Variants in CSMD2 observed in about 807,000 individuals in gnomAD.
CSMD2 encodes CUB and Sushi multiple domains 2, also known as CUB and sushi domain-containing protein 2.
In CSMD2, 130 loss-of-function variants were observed where a neutral mutation model predicts 398.5. That is an observed-to-expected ratio of 0.33 (90% confidence interval 0.28 to 0.38). The LOEUF (loss-of-function observed/expected upper bound fraction) is 0.38. CSMD2 is among the 10% of genes least tolerant of loss of function. The pLI, the probability that CSMD2 is intolerant of heterozygous loss-of-function variation, is 1.00. For synonymous variants in CSMD2, 1,828 were observed against 1,908.5 expected, an observed-to-expected ratio of 0.96 and a Z score of 1.10; for missense variants, 3,829 against 4,764.9, an observed-to-expected ratio of 0.80 and a Z score of 5.78.
At chr1:33,607,484 C>A (rs1332248075) in intron 41 of CSMD2, among the ~76,000 whole-genome samples, 2 of 152,144 alleles carry the variant, frequency 1.3e-5, no homozygotes, top group Non-Finnish European at 2.9e-5. Context: ...TCAGAGCTTG[C>A]TTACGAGGTG....
intron 3 of CSMD2, among the ~76,000 whole-genome samples, chr1:34,013,349 C>T (rs1472233166): frequency 8.5e-5 from 13 of 152,198 alleles, no homozygotes; most frequent in Non-Finnish European, 7.3e-5. Flanking sequence ...CACGACCTGC[C>T]TCTCTCCCTC....
chr1:33,661,836 C>T (rs1644145145), intron 26 of CSMD2, among the ~76,000 whole-genome samples: 3 of 152,104 alleles, frequency 2.0e-5, no homozygotes, highest in South Asian at 2.1e-4. Flanking sequence ...CCCCAACCAC[C>T]CTTAGCTGAT....
chr1:33,565,334 G>A (rs1658957394), intron 53 of CSMD2, among the ~76,000 whole-genome samples: 2 of 152,108 alleles, frequency 1.3e-5, no homozygotes. Flanking sequence ...CATCCTCTGA[G>A]TGATAAAGGG....
chr1:34,067,810 G>A (rs1037157949), intron 2 of CSMD2, among the ~76,000 whole-genome samples: 1 of 152,160 alleles, frequency 6.6e-6, no homozygotes, highest in African/African-American at 2.4e-5. Flanking sequence ...TCAAAGTAAA[G>A]GTCACTCTGA....
intron 38 of CSMD2, 29 bp from the exon 39 acceptor site, chr1:33,617,004 A>G (rs554986070): frequency 5.0e-5 from 79 of 1,594,968 alleles, no homozygotes; most frequent in Non-Finnish European, 6.0e-5. Flanking sequence ...GGGATGGGCT[A>G]GCTGTCCCCG....
chr1:33,685,759 T>G lies in CSMD2; in HGVS notation c.4052+7171A>C, dbSNP rs151047092. ...AACTCCTCTCTCTCTTCTCTGTTAC[T>G]GAACTCCGTCACTTGGCTTGCACTT... On this transcript the variant is annotated intron_variant, in intron 25 of 70. Transcript: ENST00000373381. Among the ~76,000 whole-genome samples the G allele has an allele frequency of 4.6e-5, 7 of 152,324 alleles. No individual in the cohort carries two copies. In the East Asian group the frequency reaches 1.2e-3, roughly 25 times the overall value.
At chr1:34,015,907 C>A (rs562763768) in intron 3 of CSMD2, among the ~76,000 whole-genome samples, 2 of 152,210 alleles carry the variant, frequency 1.3e-5, no homozygotes, top group East Asian at 1.9e-4. Flanking sequence ...GGTGCATGCA[C>A]CTGGGACATG....
chr1:33,903,686 G>A (rs1199411810), intron 5 of CSMD2, among the ~76,000 whole-genome samples: 1 of 152,070 alleles, frequency 6.6e-6, no homozygotes, highest in Admixed American at 6.5e-5. Context: ...GGCAGGGGAG[G>A]GGAAGGGCAC....
At chr1:33,769,312 T>A (rs1012892058) in intron 13 of CSMD2, among the ~76,000 whole-genome samples, 13 of 152,228 alleles carry the variant, frequency 8.5e-5, no homozygotes, top group Admixed American at 5.2e-4. Context: ...AGGCAGAGAC[T>A]GAACAACTCT....
chr1:33,709,943 C>T (rs1381156237), intron 21 of CSMD2, among the ~76,000 whole-genome samples: 4 of 152,178 alleles, frequency 2.6e-5, no homozygotes, highest in Admixed American at 2.0e-4. Flanking sequence ...AGCATAGTCT[C>T]ATTGCAGCCT....
intron 3 of CSMD2, among the ~76,000 whole-genome samples, chr1:33,998,550 G>A (rs1029340122): frequency 3.9e-5 from 6 of 152,132 alleles, no homozygotes; most frequent in Non-Finnish European, 7.4e-5. Context: ...CTTTTCTCAC[G>A]CAACGCTGCT....
chr1:33,784,739 A>G (rs1388657078), intron 12 of CSMD2, among the ~76,000 whole-genome samples: 1 of 152,120 alleles, frequency 6.6e-6, no homozygotes, highest in Non-Finnish European at 1.5e-5. Context: ...AGAAATGTGG[A>G]AGGTTTGGCT....
At chr1:33,686,015 A>G (rs190076845) in intron 25 of CSMD2, among the ~76,000 whole-genome samples, 61 of 152,322 alleles carry the variant, frequency 4.0e-4, no homozygotes, top group Middle Eastern at 3.4e-3. Flanking sequence ...TAGACGGAAC[A>G]TGTTCCAATC....
At chr1:33,873,116 A>T (rs943153941) in intron 5 of CSMD2, among the ~76,000 whole-genome samples, 7 of 152,142 alleles carry the variant, frequency 4.6e-5, no homozygotes, top group African/African-American at 1.7e-4. Flanking sequence ...GTATTCTAGA[A>T]CTTGTACTTA....
intron 6 of CSMD2, among the ~76,000 whole-genome samples, chr1:33,829,311 G>A (rs555831429): frequency 2.0e-5 from 3 of 152,126 alleles, no homozygotes; most frequent in Non-Finnish European, 4.4e-5. Flanking sequence ...GTAAGCTCTA[G>A]GCAAGATCCA....
At chr1:33,790,098 G>C (rs1326814367) in intron 11 of CSMD2, among the ~76,000 whole-genome samples, 3 of 152,200 alleles carry the variant, frequency 2.0e-5, no homozygotes, top group Non-Finnish European at 4.4e-5. Flanking sequence ...TGGGATCCTA[G>C]TCTCTTGGGC....
chr1:33,541,168 T>A lies in CSMD2; in HGVS notation c.9419A>T (p.Lys3140Met). 6.2e-7 allele frequency: 1 copy of A among 1,614,164 alleles called. No individual in the cohort carries two copies. Among genetic ancestry groups the A allele is most frequent in the Non-Finnish European group, 8.5e-7 (1 of 1,180,012 alleles). ...SHRVSVLSCT[K>M]DRTWNGTKPV... is the part of the protein sequence containing the mutation. ...CTTGGTTCCATTCCATGTCCGGTCC[T>A]TGGTGCAGCTCAGCACAGATACTCT... is the stretch of plus-strand genomic sequence containing the variant. Residue 3140 changes from lysine to methionine, a missense_variant, in exon 59 of 71, where the codon AAG becomes ATG. By Grantham distance (95) the Lys-to-Met change is moderately conservative. Coordinates refer to ENST00000373381, the MANE Select transcript of CSMD2 (RefSeq NM_001281956.2).
chr1:33,807,556 G>A (rs2124948534), intron 10 of CSMD2, among the ~76,000 whole-genome samples: 1 of 152,282 alleles, frequency 6.6e-6, no homozygotes, highest in South Asian at 2.1e-4. Flanking sequence ...GTCAATATAT[G>A]AGTAAACCTA....
intron 55 of CSMD2, among the ~76,000 whole-genome samples, chr1:33,555,896 C>G (rs1217763736): frequency 6.6e-6 from 1 of 152,008 alleles, no homozygotes; most frequent in African/African-American, 2.4e-5. Flanking sequence ...CCAATGTATG[C>G]CTCTATATTA....
Sources: allele counts gnomAD v4.1 joint callset (sites outside exome capture counted in the v4.1 genomes callset), GRCh38; gene constraint gnomAD v4.1.1; transcripts MANE v1.5; gene names NCBI Gene and HGNC (gene_info 2026-07-23, HGNC 2026-07-21).